RMDN1: variants seen among roughly 807,000 people sequenced by gnomAD.
The protein encoded by RMDN1 is regulator of microtubule dynamics 1.
In RMDN1, 48 loss-of-function variants were observed where a neutral mutation model predicts 48.9. That is an observed-to-expected ratio of 0.98 (90% CI 0.78 to 1.25). The LOEUF is 1.25. RMDN1 is among the 50% of genes most tolerant of loss of function. The pLI, the probability that RMDN1 is intolerant of heterozygous loss-of-function variation, is 0.00. For missense variants in RMDN1, 418 were observed against 373.4 expected (o/e 1.12, Z -0.98); for synonymous variants, 148 against 132.6 (o/e 1.12, Z -0.80).
At chr8:86,514,352 T>G, upstream of RMDN1, 1 of 733,208 alleles carries the variant, frequency 1.4e-6, no homozygotes, top group Non-Finnish European at 1.7e-6. Context: ...TCCCTGCGGA[T>G]GGGCTGATCC....
At chr8:86,491,669 GA>G (rs1409892300) in intron 2 of RMDN1, among the ~76,000 whole-genome samples, 1 of 152,112 alleles carries the variant, frequency 6.6e-6, no homozygotes, top group Non-Finnish European at 1.5e-5. Flanking sequence ...AAGATGAAAT[GA>G]CATGTTAATT....
upstream of RMDN1, chr8:86,508,820 G>A (rs1315658873): frequency 2.3e-6 from 3 of 1,288,516 alleles, no homozygotes; most frequent in African/African-American, 4.6e-5. Context: ...ACCCCGATTG[G>A]GTGGGACTTA....
At chr8:86,481,512 A>C (rs1483964379) in intron 5 of RMDN1, among the ~76,000 whole-genome samples, 7 of 151,340 alleles carry the variant, frequency 4.6e-5, no homozygotes, top group Non-Finnish European at 1.0e-4. Flanking sequence ...GAAGGAAGTT[A>C]ATTCATCACA....
chr8:86,474,595 A>G (rs1813049195), intron 9 of RMDN1: 3 of 714,738 alleles, frequency 4.2e-6, no homozygotes, highest in African/African-American at 1.8e-5. Flanking sequence ...TCAAACAGGA[A>G]TAATTCTGCA....
At chr8:86,474,778 G>A (rs747323964) in intron 9 of RMDN1, 42 bp downstream of exon 9, 1 of 1,570,394 alleles carries the variant, frequency 6.4e-7, no homozygotes, top group African/African-American at 1.4e-5. Flanking sequence ...ATTTAATAGT[G>A]CCTCAAAACC....
intron 2 of RMDN1, chr8:86,504,411 CCAGCTCTCTCGA>C (rs1818926984): frequency 5.8e-6 from 9 of 1,560,266 alleles, no homozygotes; most frequent in Admixed American, 3.3e-5. Context: ...CCATTGTGCT[CCAGCTCTCTCGA>C]CAGCTCTCTG....
chr8:86,485,092 A>AATGT, intron 4 of RMDN1, 131 bp from the exon 5 acceptor site: 1 of 538,072 alleles, frequency 1.9e-6, no homozygotes, highest in East Asian at 3.2e-5. Flanking sequence ...AACTGTATTA[A>AATGT]ATGTAATGGA....
rs778449680 is a variant in RMDN1 at position 86,507,007 on chromosome 8, C to A, written c.235G>T (p.Ala79Ser). 2 of 1,588,640 alleles carry A rather than the reference C, an allele frequency of 1.3e-6. No individual in the cohort carries two copies. Among genetic ancestry groups the A allele is most frequent in the Non-Finnish European group, 1.7e-6 (2 of 1,156,984 alleles). The change falls in exon 2 of 10, where the codon GCC becomes TCC. Residue 79 changes from alanine (A) to serine (S), a missense_variant. By Grantham distance (99) the Ala-to-Ser change is moderately conservative. Transcript: ENST00000406452. ...QVISQAAVVH[A>S]TAKVEEILEQ... ...AATTTATGCTTACCTTTGGCTGTGG[C>A]ATGAACCACAGCAGCCTGAGAGATA... is the stretch of plus-strand genomic sequence containing the variant.
chr8:86,510,006 T>C (rs1437067235), upstream of RMDN1, among the ~76,000 whole-genome samples: 2 of 152,194 alleles, frequency 1.3e-5, no homozygotes, highest in Non-Finnish European at 2.9e-5. Flanking sequence ...CTGATATCTC[T>C]GCTAGAGTGA....
chr8:86,490,391 G>A (rs1437007649), intron 2 of RMDN1, among the ~76,000 whole-genome samples: 1 of 152,158 alleles, frequency 6.6e-6, no homozygotes, highest in African/African-American at 2.4e-5. Context: ...AAGTGAAAGA[G>A]GAAGGCAAAA....
intron 2 of RMDN1, among the ~76,000 whole-genome samples, chr8:86,497,399 G>A (rs1021787643): frequency 2.6e-5 from 4 of 152,160 alleles, no homozygotes; most frequent in Non-Finnish European, 4.4e-5. Flanking sequence ...CTGCCAGCTG[G>A]ATTAATCAAG....
downstream of RMDN1, chr8:86,470,127 AT>A (rs1234725731): frequency 3.3e-5 from 42 of 1,266,282 alleles, 1 homozygote; most frequent in African/African-American, 4.0e-4. Context: ...TTCTACTCAT[AT>A]CCTCAAAAGG....
intron 2 of RMDN1, chr8:86,504,379 T>C (rs1818919971): frequency 6.4e-7 from 1 of 1,564,290 alleles, no homozygotes; most frequent in Admixed American, 1.7e-5. Context: ...AGTATCCAGC[T>C]ACCAACAGCC....
intron 2 of RMDN1, among the ~76,000 whole-genome samples, chr8:86,503,385 A>ATAAAAAAAAAAAC: frequency 1.2e-5 from 1 of 81,074 alleles, no homozygotes; most frequent in Non-Finnish European, 2.3e-5. Context: ...AAAAAAAAAA[A>ATAAAAAAAAAAAC]AAAACAAAAA....
chr8:86,505,033 T>C lies in RMDN1; in HGVS notation c.247+1962A>G, dbSNP rs1819076314. 3.4e-6 allele frequency: 5 copies of C among 1,475,590 alleles called. No homozygotes were observed. In the South Asian group the frequency reaches 5.9e-5, roughly 17 times the overall value. 91.4% of individuals were successfully genotyped at this position (1,475,590 alleles called of 1,614,324 possible). A position where few individuals can be genotyped will look rare whatever the true frequency, so the allele number is the denominator to read the frequency against. On this transcript the variant is annotated intron_variant, in intron 2 of 9. Transcript: ENST00000406452. ...GATGGCATCATGGAGATGAACAGCA[T>C]CCAGGCTGCTAAGGAGACCACCACC...
At chr8:86,496,876 C>T (rs2131073876) in intron 2 of RMDN1, among the ~76,000 whole-genome samples, 1 of 152,110 alleles carries the variant, frequency 6.6e-6, no homozygotes, top group Admixed American at 6.6e-5. Flanking sequence ...CTAAGATAGG[C>T]CACATGCTTG....
At chr8:86,503,072 G>C (rs1189089491) in intron 2 of RMDN1, among the ~76,000 whole-genome samples, 1 of 152,098 alleles carries the variant, frequency 6.6e-6, no homozygotes, top group African/African-American at 2.4e-5. Context: ...AACTAAGTTA[G>C]GCCAGGTGCG....
At chr8:86,471,877 A>G (rs537762184), downstream of RMDN1, among the ~76,000 whole-genome samples, 4 of 152,346 alleles carry the variant, frequency 2.6e-5, no homozygotes, top group South Asian at 2.1e-4. Flanking sequence ...CAAAAAGTCA[A>G]TGTTGCAAGA....
chr8:86,490,256 G>T (rs1196470747), intron 2 of RMDN1, among the ~76,000 whole-genome samples: 1 of 152,182 alleles, frequency 6.6e-6, no homozygotes, highest in Non-Finnish European at 1.5e-5. Context: ...CCTGGAATCT[G>T]AATGTTTGGT....
Sources: gnomAD v4.1 joint callset for allele counts (sites outside exome capture counted in the v4.1 genomes callset) on GRCh38, gnomAD v4.1.1 for gene constraint, MANE v1.5 for transcripts, NCBI Gene and HGNC (gene_info 2026-07-23, HGNC 2026-07-21) for gene names.